The following TUSC3 variants were observed in gnomAD, a reference collection of about 807,000 sequenced individuals.
TUSC3 encodes the protein tumor suppressor candidate 3.
Under a neutral mutation model 44.8 loss-of-function variants are expected in TUSC3, and 45 were observed. That is an observed-to-expected ratio of 1.00 (90% confidence interval 0.79 to 1.29). TUSC3 has a LOEUF of 1.29. Among genes scored for constraint, TUSC3 ranks in the 50% most tolerant of loss-of-function variants. The pLI is 0.00. For missense variants in TUSC3, 519 were observed against 437.9 expected (o/e 1.19, Z -1.65); for synonymous variants, 212 against 152.9 (o/e 1.39, Z -2.85).
chr8:15,806,310 T>A, the TUSC3 span: 2 of 701,710 alleles, frequency 2.9e-6, no homozygotes, highest in Non-Finnish European at 2.7e-6. Context: ...ATGGACTAAG[T>A]CAGGGACACC....
the TUSC3 span, among the ~76,000 whole-genome samples, chr8:15,810,372 G>A: frequency 3.6e-3 from 553 of 152,224 alleles, 6 homozygotes; most frequent in African/African-American, 0.013. Flanking sequence ...GAATGGTGGC[G>A]TATGTCTATA....
intron 1 of TUSC3, among the ~76,000 whole-genome samples, chr8:15,602,462 G>A (rs963923229): frequency 1.3e-5 from 2 of 151,454 alleles, no homozygotes; most frequent in African/African-American, 2.4e-5. Flanking sequence ...ACATCAACTT[G>A]TAAAAAGTAT....
rs1180028377 is a variant in TUSC3 at position 15,668,256 on chromosome 8, T to TC, written c.709-5490dup. ...CATTTTAAGACATGGTTGTTTTTTT[T>TC]CACTGTTACTTATAGCATTGTAGGT... On this transcript the variant is annotated intron_variant, in intron 5 of 10. Transcript: ENST00000503731. 4.0e-5 allele frequency among the ~76,000 whole-genome samples: 6 copies of TC among 151,896 alleles called. No individual in the cohort carries two copies. In the East Asian group the frequency reaches 1.2e-3, roughly 29 times the overall value.
chr8:15,592,655 A>G (rs951850441), intron 1 of TUSC3, among the ~76,000 whole-genome samples: 1 of 152,214 alleles, frequency 6.6e-6, no homozygotes, highest in Admixed American at 6.5e-5. Context: ...TGCTGACACC[A>G]TGCTTGTACA....
chr8:15,636,482 GC>G (rs1185454018), intron 2 of TUSC3, among the ~76,000 whole-genome samples: 1 of 152,148 alleles, frequency 6.6e-6, no homozygotes, highest in Non-Finnish European at 1.5e-5. Context: ...GAGATATTAG[GC>G]ATTTGTTTGT....
intron 6 of TUSC3, among the ~76,000 whole-genome samples, chr8:15,724,867 G>C (rs564314032): frequency 6.6e-6 from 1 of 152,288 alleles, no homozygotes; most frequent in African/African-American, 2.4e-5. Flanking sequence ...CATATAGTTA[G>C]TGAGAGATAA....
intron 1 of TUSC3, among the ~76,000 whole-genome samples, chr8:15,616,060 A>AT: frequency 6.6e-6 from 1 of 152,292 alleles, no homozygotes; most frequent in African/African-American, 2.4e-5. Flanking sequence ...TGGTGTAGGA[A>AT]TAAGTTCTAA....
chr8:15,655,027 A>G (rs1807091285), intron 3 of TUSC3, among the ~76,000 whole-genome samples: 1 of 152,208 alleles, frequency 6.6e-6, no homozygotes, highest in East Asian at 1.9e-4. Context: ...TGTTGGGAAG[A>G]TTAAAATAAG....
Position 15,666,631 on chromosome 8 carries a change from A to G in TUSC3, c.708+4335A>G, listed in dbSNP as rs144497786. Among the ~76,000 whole-genome samples the G allele has an allele frequency of 7.6e-3, 1,148 of 151,516 alleles. 38 individuals are homozygous for G. The East Asian group carries it at 0.1, about 13-fold the overall frequency. Reference sequence around the variant, plus strand: ...TGGGGGTAGAAAAGGGTCTTTTTTCATCCACATTTATTTGAATAAAATTAT... The same window carrying G: ...TGGGGGTAGAAAAGGGTCTTTTTTCGTCCACATTTATTTGAATAAAATTAT... On this transcript the variant is annotated intron_variant, in intron 5 of 10. Coordinates refer to ENST00000503731, the MANE Select transcript of TUSC3 (RefSeq NM_006765.4).
chr8:15,743,104 T>G (rs1811263431), intron 7 of TUSC3, among the ~76,000 whole-genome samples: 1 of 152,178 alleles, frequency 6.6e-6, no homozygotes, highest in African/African-American at 2.4e-5. Context: ...CATAAAGATT[T>G]CAACTAAACA....
At position 15,530,855 on chromosome 8, in the gene TUSC3, T is replaced by C. The variant is rs61057919; in HGVS notation, n.189+47372T>C. On this transcript the variant is annotated intron_variant and non_coding_transcript_variant, in intron 2 of 5. Coordinates refer to the TUSC3 transcript ENST00000503191. ...TAAATAAAGATGGTTATGCCCAATGTGAGAAAGAACTGAGCAGCTCCTGAC... is the reference window on the plus strand; with the variant it reads ...TAAATAAAGATGGTTATGCCCAATGCGAGAAAGAACTGAGCAGCTCCTGAC... 3.0e-3 allele frequency among the ~76,000 whole-genome samples: 462 copies of C among 152,296 alleles called. 1 individual carries two copies. Among genetic ancestry groups the C allele is most frequent in the African/African-American group, 0.011 (443 of 41,560 alleles).
In TUSC3 at chr8:15,553,395, C is replaced by A. The variant is rs183386925; in HGVS notation, c.138+12827C>A. ...TGCAAAAGATCCTTGGACTTCGTTG[C>A]TGGAGGAGCTTAGAAGGAAATGCAG... On this transcript the variant is annotated intron_variant, in intron 1 of 10. Transcript: ENST00000503731. Among the ~76,000 whole-genome samples, 32 of 151,498 alleles carry A rather than the reference C, an allele frequency of 2.1e-4. No individual in the cohort carries two copies. In the East Asian group the frequency reaches 6.1e-3, roughly 29 times the overall value.
At chr8:15,430,469 G>C (rs1799858592) in intron 1 of TUSC3, among the ~76,000 whole-genome samples, 1 of 150,402 alleles carries the variant, frequency 6.6e-6, no homozygotes, top group Admixed American at 6.6e-5. Flanking sequence ...AGTATTGATG[G>C]GATGTATCTC....
At chr8:15,571,429 T>C (rs1220239378) in intron 1 of TUSC3, among the ~76,000 whole-genome samples, 1 of 152,202 alleles carries the variant, frequency 6.6e-6, no homozygotes, top group East Asian at 1.9e-4. Context: ...TATTGTTGTC[T>C]ATTAAATGTG....
chr8:15,738,088 G>A (rs1442581208), intron 7 of TUSC3, among the ~76,000 whole-genome samples: 1 of 152,100 alleles, frequency 6.6e-6, no homozygotes, highest in Non-Finnish European at 1.5e-5. Flanking sequence ...ACACCCATCA[G>A]GTTTTTAAAC....
intron 2 of TUSC3, among the ~76,000 whole-genome samples, chr8:15,489,494 G>T (rs915995747): frequency 6.6e-6 from 1 of 152,166 alleles, no homozygotes; most frequent in Non-Finnish European, 1.5e-5. Context: ...CCTGGAAAGG[G>T]AAGAGGTTTC....
At chr8:15,806,057 A>T in the TUSC3 span, 3 of 254,306 alleles carry the variant, frequency 1.2e-5, no homozygotes, top group African/African-American at 6.8e-5. Context: ...CCCTTCCTTA[A>T]AGTTGAGGAC....
chr8:15,683,140 C>T (rs1418566909), intron 6 of TUSC3, among the ~76,000 whole-genome samples: 1 of 152,092 alleles, frequency 6.6e-6, no homozygotes, highest in African/African-American at 2.4e-5. Flanking sequence ...GGATGGTCAA[C>T]TTGGGTAGTT....
chr8:15,522,944 A>T (rs1801317398), intron 2 of TUSC3, among the ~76,000 whole-genome samples: 1 of 152,154 alleles, frequency 6.6e-6, no homozygotes, highest in African/African-American at 2.4e-5. Flanking sequence ...AGTGGGAGTA[A>T]AAAGGGAGAA....
Sources: gnomAD v4.1 joint callset for allele counts (sites outside exome capture counted in the v4.1 genomes callset) on GRCh38, gnomAD v4.1.1 for gene constraint, MANE v1.5 for transcripts, NCBI Gene and HGNC (gene_info 2026-07-23, HGNC 2026-07-21) for gene names.